Variants in SPAG16 observed in about 807,000 individuals in gnomAD.
The protein encoded by SPAG16 is sperm-associated antigen 16 protein.
In SPAG16, 86 loss-of-function variants were observed where a neutral mutation model predicts 80.4. The ratio of observed to expected loss-of-function variants is 1.07; its 90% CI spans 0.90 to 1.28. The LOEUF (loss-of-function observed/expected upper bound fraction) is 1.28. Among genes scored for constraint, SPAG16 ranks in the 50% most tolerant of loss-of-function variants. The pLI is 0.00. For synonymous variants in SPAG16, 294 were observed against 265.9 expected, an observed-to-expected ratio of 1.11 and a Z score of -1.03; for missense variants, 870 against 765.3, an observed-to-expected ratio of 1.14 and a Z score of -1.61.
At chr2:214,226,712 A>G (rs1336525335) in intron 15 of SPAG16, among the ~76,000 whole-genome samples, 3 of 152,090 alleles carry the variant, frequency 2.0e-5, no homozygotes, top group African/African-American at 7.2e-5. Flanking sequence ...ACAAGATCAC[A>G]TTTTGGACAC....
intron 15 of SPAG16, among the ~76,000 whole-genome samples, chr2:214,189,892 T>A (rs1390286053): frequency 6.6e-6 from 1 of 152,066 alleles, no homozygotes; most frequent in South Asian, 2.1e-4. Flanking sequence ...CAATCCCCTT[T>A]AACAACTAGT....
At chr2:213,860,357 A>G (rs891381315) in intron 10 of SPAG16, among the ~76,000 whole-genome samples, 1 of 144,702 alleles carries the variant, frequency 6.9e-6, no homozygotes, top group African/African-American at 2.5e-5. Context: ...ATATATATAT[A>G]TATATATGTG....
intron 15 of SPAG16, among the ~76,000 whole-genome samples, chr2:214,370,524 C>A (rs1200711823): frequency 2.0e-5 from 3 of 152,142 alleles, no homozygotes; most frequent in Non-Finnish European, 4.4e-5. Flanking sequence ...GTTATTACCA[C>A]AATCAAATTA....
rs752673409 is a variant in SPAG16 at position 213,297,284 on chromosome 2, T to A, written c.206T>A (p.Ile69Asn). 3.7e-6 allele frequency: 6 copies of A among 1,612,390 alleles called. No individual in the cohort carries two copies. In the African/African-American group the frequency reaches 4.0e-5, roughly 11 times the overall value. Residue 69 changes from isoleucine (I) to asparagine (N), a missense_variant, in exon 3 of 16, where the codon ATC becomes AAC. Ile to Asn is a moderately radical substitution (Grantham distance 149). Transcript: ENST00000331683. Reference sequence around the variant, plus strand: ...TAGATACCAGATGACAATTTTAGCATCCCAGAAGGTGAAGAAGATCTGGCA... The same window carrying A: ...TAGATACCAGATGACAATTTTAGCAACCCAGAAGGTGAAGAAGATCTGGCA... ...YEEIPDDNFS[I>N]PEGEEDLAKA... is the part of the protein sequence containing the mutation.
At chr2:213,538,619 A>C (rs965488233) in intron 10 of SPAG16, among the ~76,000 whole-genome samples, 5 of 152,158 alleles carry the variant, frequency 3.3e-5, no homozygotes, top group Non-Finnish European at 4.4e-5. Flanking sequence ...GTCTGCATCA[A>C]AGGATTCTGC....
intron 13 of SPAG16, among the ~76,000 whole-genome samples, chr2:214,101,931 T>A (rs1018821138): frequency 6.6e-6 from 1 of 152,092 alleles, no homozygotes; most frequent in Non-Finnish European, 1.5e-5. Flanking sequence ...GTTTAAAATG[T>A]TAATAGGCAA....
Position 214,103,272 on chromosome 2 carries a change from A to C in SPAG16, c.1528-4924A>C, listed in dbSNP as rs182797523. ...GATTAAATATCATTTTTAGAGAGGCAATATTGTGGAACCATCACCCAACAT... is the reference window on the plus strand; with the variant it reads ...GATTAAATATCATTTTTAGAGAGGCCATATTGTGGAACCATCACCCAACAT... On this transcript the variant is annotated intron_variant, in intron 13 of 15. Coordinates refer to ENST00000331683, the MANE Select transcript of SPAG16 (RefSeq NM_024532.5). 2.3e-4 allele frequency among the ~76,000 whole-genome samples: 35 copies of C among 152,178 alleles called. No homozygotes were observed. In the East Asian group the frequency reaches 6.8e-3, roughly 29 times the overall value.
intron 11 of SPAG16, among the ~76,000 whole-genome samples, chr2:213,895,989 G>A (rs1240656420): frequency 6.6e-6 from 1 of 151,912 alleles, no homozygotes; most frequent in Non-Finnish European, 1.5e-5. Context: ...ACAATAAATG[G>A]AATTATCAAC....
chr2:214,143,294 T>A lies in SPAG16; in HGVS notation c.1594-5846T>A, dbSNP rs190519385. Reference sequence around the variant, plus strand: ...ATGTATATATCTGTATACAAATGCTTGGAACCCTGAGTGACACATAGTAAT... The same window carrying A: ...ATGTATATATCTGTATACAAATGCTAGGAACCCTGAGTGACACATAGTAAT... On this transcript the variant is annotated intron_variant, in intron 14 of 15. Transcript: ENST00000331683. Among the ~76,000 whole-genome samples the A allele has an allele frequency of 1.0e-3, 158 of 151,118 alleles. 1 individual carries two copies. The highest frequency in any genetic ancestry group is 1.6e-3 in the Non-Finnish European group (109 of 67,834).
chr2:213,896,059 A>G (rs891243270), intron 11 of SPAG16, among the ~76,000 whole-genome samples: 9 of 152,154 alleles, frequency 5.9e-5, no homozygotes, highest in African/African-American at 1.7e-4. Flanking sequence ...CATCTGATGG[A>G]ATTAATAACC....
intron 6 of SPAG16, 33 bp downstream of exon 6, chr2:213,340,303 G>C: frequency 1.5e-6 from 2 of 1,363,984 alleles, no homozygotes; most frequent in Non-Finnish European, 1.0e-6. Context: ...ATTTATTAAA[G>C]AGTTATTTAA....
At chr2:213,973,924 A>C (rs1478300528) in intron 12 of SPAG16, among the ~76,000 whole-genome samples, 1 of 152,098 alleles carries the variant, frequency 6.6e-6, no homozygotes, top group Non-Finnish European at 1.5e-5. Flanking sequence ...GACCCTCAAG[A>C]ATTTGAGAGG....
chr2:214,149,200 C>G lies in SPAG16; in HGVS notation c.1654C>G (p.Leu552Val), dbSNP rs752598139. The change falls in exon 15 of 16, where the codon CTG (leucine) becomes GTG (valine). Residue 552 changes from leucine (L) to valine (V), a missense_variant. Leu to Val is a conservative substitution (Grantham distance 32). Coordinates refer to ENST00000331683, the MANE Select transcript of SPAG16 (RefSeq NM_024532.5). ...TACAAAGCTGTGGGACTTTCGGAAG[C>G]TGTTACCAATTGTGTCCATCGATAT... is the stretch of plus-strand genomic sequence containing the variant. ...GVTKLWDFRK[L>V]LPIVSIDIGP... 1 of 1,599,382 alleles carries G rather than the reference C, an allele frequency of 6.3e-7. No individual in the cohort carries two copies. The highest frequency in any genetic ancestry group is 2.3e-5 in the East Asian group (1 of 43,550).
chr2:213,631,531 G>C (rs1384501120), intron 10 of SPAG16, among the ~76,000 whole-genome samples: 1 of 152,092 alleles, frequency 6.6e-6, no homozygotes, highest in Non-Finnish European at 1.5e-5. Flanking sequence ...TGAATCATGG[G>C]GGTGAAATTC....
At chr2:213,824,625 C>A (rs1442693229) in intron 10 of SPAG16, among the ~76,000 whole-genome samples, 1 of 152,086 alleles carries the variant, frequency 6.6e-6, no homozygotes, top group Non-Finnish European at 1.5e-5. Flanking sequence ...CAGTACCATG[C>A]TGTTTTGGTT....
chr2:213,631,243 T>C (rs2062140144), intron 10 of SPAG16, among the ~76,000 whole-genome samples: 1 of 152,074 alleles, frequency 6.6e-6, no homozygotes, highest in Non-Finnish European at 1.5e-5. Context: ...GGCAATAAAT[T>C]CATTTCAAAA....
At chr2:213,665,032 A>G (rs1200862470) in intron 10 of SPAG16, among the ~76,000 whole-genome samples, 2 of 152,134 alleles carry the variant, frequency 1.3e-5, no homozygotes, top group South Asian at 4.1e-4. Context: ...AACATCTCAC[A>G]TGTTTGCCCA....
intron 10 of SPAG16, among the ~76,000 whole-genome samples, chr2:213,815,243 A>C (rs1372397827): frequency 6.6e-6 from 1 of 152,156 alleles, no homozygotes; most frequent in Non-Finnish European, 1.5e-5. Context: ...GCTACATACT[A>C]TATGATTTCA....
rs775856481 is a variant in SPAG16, at chr2:214,149,173, G to T, written c.1627G>T (p.Val543Phe). Reference sequence around the variant, plus strand: ...GATAGCATCCTGTGATGCCTGTGGGGTTACAAAGCTGTGGGACTTTCGGAA... The same window carrying T: ...GATAGCATCCTGTGATGCCTGTGGGTTTACAAAGCTGTGGGACTTTCGGAA... Reference protein sequence around the residue: ...HMIASCDACGVTKLWDFRKLL... With the variant: ...HMIASCDACGFTKLWDFRKLL... The change falls in exon 15 of 16, where the codon GTT (valine) becomes TTT (phenylalanine). Residue 543 changes from valine to phenylalanine, a missense_variant. Physicochemically the swap from Val to Phe is conservative, Grantham distance 50 (BLOSUM62 -1). Coordinates refer to ENST00000331683, the MANE Select transcript of SPAG16 (RefSeq NM_024532.5). The T allele has an allele frequency of 3.1e-6, 5 of 1,592,426 alleles. No homozygotes were observed. The highest frequency in any genetic ancestry group is 4.3e-6 in the Non-Finnish European group (5 of 1,169,086).
Sources: allele counts gnomAD v4.1 joint callset (sites outside exome capture counted in the v4.1 genomes callset), GRCh38; gene constraint gnomAD v4.1.1; transcripts MANE v1.5; gene names NCBI Gene and HGNC (gene_info 2026-07-23, HGNC 2026-07-21).